Variants in RAD51AP2 observed in about 807,000 individuals in gnomAD.
RAD51AP2 encodes the protein RAD51 associated protein 2, also known as RAD51-associated protein 2.
Under a neutral mutation model 85.5 loss-of-function variants are expected in RAD51AP2, and 67 were observed. That is an observed-to-expected ratio of 0.78 (90% confidence interval 0.64 to 0.96). The LOEUF is 0.96. Among genes scored for constraint, RAD51AP2 ranks in the 40% least tolerant of loss-of-function variants. RAD51AP2 has a pLI of 0.00. For missense variants in RAD51AP2, 1,307 were observed against 1,332.4 expected (o/e 0.98, Z 0.30); for synonymous variants, 474 against 446.5 (o/e 1.06, Z -0.78).
Position 17,517,728 on chromosome 2 carries a change from A to ATGATGAAATGTTATTT in RAD51AP2, c.672_687dup (p.Ser230LysfsTer2), listed in dbSNP as rs1161376582. The ATGATGAAATGTTATTT allele has an allele frequency of 6.2e-7, 1 of 1,613,486 alleles. No individual in the cohort carries two copies. Among genetic ancestry groups the ATGATGAAATGTTATTT allele is most frequent in the Non-Finnish European group, 8.5e-7 (1 of 1,179,896 alleles). On this transcript the variant is annotated stop_gained and frameshift_variant, in exon 1 of 3. Transcript: ENST00000399080. LOFTEE classifies it high-confidence loss of function. ...TGAGATTTTGATATTTTTAGTACAG[A>ATGATGAAATGTTATTT]TGATGAAATGTTATTTTCTCTTTTA...
At chr2:17,534,314 G>C in the RAD51AP2 span, among the ~76,000 whole-genome samples, 29 of 152,228 alleles carry the variant, frequency 1.9e-4, 1 homozygote, top group East Asian at 4.6e-3. Flanking sequence ...TTCTAGTAGT[G>C]TATGTAATGG....
upstream of RAD51AP2, among the ~76,000 whole-genome samples, chr2:17,523,161 C>T (rs1300630756): frequency 6.6e-6 from 1 of 151,808 alleles, no homozygotes; most frequent in Non-Finnish European, 1.5e-5. Flanking sequence ...AAATGAAATA[C>T]AGTATATAAA....
the RAD51AP2 span, among the ~76,000 whole-genome samples, chr2:17,531,509 T>A: frequency 6.6e-6 from 1 of 152,182 alleles, no homozygotes; most frequent in Non-Finnish European, 1.5e-5. Flanking sequence ...AAAAATAGTC[T>A]ATTAAAAATG....
At chr2:17,531,263 A>G in the RAD51AP2 span, among the ~76,000 whole-genome samples, 1 of 152,178 alleles carries the variant, frequency 6.6e-6, no homozygotes, top group Non-Finnish European at 1.5e-5. Flanking sequence ...CCAACAAAGT[A>G]ATTTTTTCCT....
At chr2:17,524,841 G>A in the RAD51AP2 span, among the ~76,000 whole-genome samples, 74 of 151,906 alleles carry the variant, frequency 4.9e-4, no homozygotes, top group Non-Finnish European at 9.0e-4. Flanking sequence ...GTGAAAATTC[G>A]GGGAGGGATT....
At chr2:17,536,811 C>T in the RAD51AP2 span, among the ~76,000 whole-genome samples, 1 of 152,128 alleles carries the variant, frequency 6.6e-6, no homozygotes, top group Admixed American at 6.5e-5. Context: ...CTAAAACTCA[C>T]CCATTAACTG....
In RAD51AP2 at chr2:17,514,054, G is replaced by A; in HGVS notation, c.3286C>T (p.Pro1096Ser). 6.3e-7 allele frequency: 1 copy of A among 1,589,492 alleles called. No homozygotes were observed. Among genetic ancestry groups the A allele is most frequent in the Non-Finnish European group, 8.6e-7 (1 of 1,159,594 alleles). The change falls in exon 2 of 3, where the codon CCT becomes TCT. Residue 1096 changes from proline to serine, a missense_variant. Physicochemically the swap from Pro to Ser is moderately conservative, Grantham distance 74. This residue lies in a region of RAD51AP2 where 668 missense variants were observed against 671.0 expected (regional missense o/e 1.00). Transcript: ENST00000399080. ...TPLPKRPAFL[P>S]DECKEEFNYL... ...TTAAATTCTTCTTTACATTCATCAG[G>A]GAGAAAAGCAGGTCTTTTAGGTAAA...
the RAD51AP2 span, among the ~76,000 whole-genome samples, chr2:17,536,573 C>T: frequency 2.0e-5 from 3 of 152,160 alleles, no homozygotes; most frequent in African/African-American, 7.2e-5. Context: ...AAGAAACTTC[C>T]AGGAAACTCA....
At chr2:17,514,231 G>T (rs1279193822) in intron 1 of RAD51AP2, 139 bp from the exon 2 acceptor site, 3 of 737,922 alleles carry the variant, frequency 4.1e-6, no homozygotes, top group Non-Finnish European at 7.0e-6. Flanking sequence ...ACTCTTCAAA[G>T]CTCCTTTTTA....
At chr2:17,528,248 T>TGAAGTATTTC in the RAD51AP2 span, among the ~76,000 whole-genome samples, 1 of 152,200 alleles carries the variant, frequency 6.6e-6, no homozygotes, top group African/African-American at 2.4e-5. Flanking sequence ...CTAAATACTT[T>TGAAGTATTTC]TAATCAGAAA....
At position 17,516,114 on chromosome 2, in the gene RAD51AP2, T is replaced by C; in HGVS notation, c.2302A>G (p.Lys768Glu). 4 of 1,612,560 alleles carry C rather than the reference T, an allele frequency of 2.5e-6. No homozygotes were observed. Among genetic ancestry groups the C allele is most frequent in the Non-Finnish European group, 3.4e-6 (4 of 1,179,532 alleles). ...TTACTGATCTTATTATGTCCCTGTT[T>C]TCTTTCCATATTTAAATCTTGGCTG... ...MHSQDLNMER[K>E]QGHNKISNFD... Residue 768 changes from lysine (K) to glutamate (E), a missense_variant, in exon 1 of 3, where the codon AAA (lysine) becomes GAA (glutamate). Transcript: ENST00000399080.
the RAD51AP2 span, among the ~76,000 whole-genome samples, chr2:17,524,270 T>A: frequency 6.6e-6 from 1 of 151,996 alleles, no homozygotes; most frequent in African/African-American, 2.4e-5. Context: ...TTATTGAGCA[T>A]CTATTATTCA....
chr2:17,518,620 C>A (rs1662782994), upstream of RAD51AP2, among the ~76,000 whole-genome samples: 3 of 149,468 alleles, frequency 2.0e-5, no homozygotes, highest in South Asian at 6.4e-4. Flanking sequence ...CCTCTCCCTG[C>A]CCCCACCCAC....
rs1391305951 is a variant in RAD51AP2, at chr2:17,510,828, G to GT, written c.3455dup (p.Tyr1152Ter). The part of the protein sequence containing the change: ...QLHPYLKQMC[Y>*]GNLKENF ...GTCAAAAATTTTCTTTTAAGTTTCC[G>GT]TAACACATTTGTTTCAGATAAGGAT... Residue 1152 changes from tyrosine to a stop codon, truncating the protein, a stop_gained and frameshift_variant, in exon 3 of 3, where the codon TAC (tyrosine) becomes TAAC (stop). Coordinates refer to ENST00000399080, the MANE Select transcript of RAD51AP2 (RefSeq NM_001099218.3). LOFTEE classifies it high-confidence loss of function. 1 of 1,583,026 alleles carries GT rather than the reference G, an allele frequency of 6.3e-7. No homozygotes were observed. Among genetic ancestry groups the GT allele is most frequent in the Non-Finnish European group, 8.6e-7 (1 of 1,164,650 alleles).
At chr2:17,511,237 C>A (rs1190245684) in intron 2 of RAD51AP2, among the ~76,000 whole-genome samples, 1 of 152,276 alleles carries the variant, frequency 6.6e-6, no homozygotes, top group Middle Eastern at 3.4e-3. Flanking sequence ...ACAACCATCA[C>A]AACAAAACCA....
In RAD51AP2 at chr2:17,517,001, GCTGTCTGACTAC is replaced by G; in HGVS notation, c.1403_1414del (p.Gly468_Thr471del). 2 of 1,600,492 alleles carry G rather than the reference GCTGTCTGACTAC, an allele frequency of 1.2e-6. No homozygotes were observed. The highest frequency in any genetic ancestry group is 1.4e-5 in the African/African-American group (1 of 74,034). ...ATTTAGCCAAACAGTCGTTATTAAA[GCTGTCTGACTAC>G]CTAATATTTCTCTTACGAGAAGCTT... On this transcript the variant is annotated inframe_deletion, in exon 1 of 3. Coordinates refer to ENST00000399080, the MANE Select transcript of RAD51AP2 (RefSeq NM_001099218.3).
At chr2:17,528,172 C>T in the RAD51AP2 span, among the ~76,000 whole-genome samples, 5 of 152,210 alleles carry the variant, frequency 3.3e-5, no homozygotes, top group South Asian at 1.0e-3. Flanking sequence ...TTGATCCCTG[C>T]TTTAATGTAG....
chr2:17,536,806 A>C, the RAD51AP2 span, among the ~76,000 whole-genome samples: 1 of 151,862 alleles, frequency 6.6e-6, no homozygotes, highest in Non-Finnish European at 1.5e-5. Flanking sequence ...GAGGCCTAAA[A>C]CTCACCCATT....
rs753448399 is a variant in RAD51AP2 at position 17,517,579 on chromosome 2, C to T, written c.837G>A (p.Ala279=). The T allele has an allele frequency of 6.2e-7, 1 of 1,613,516 alleles. No individual in the cohort carries two copies. Among genetic ancestry groups the T allele is most frequent in the Non-Finnish European group, 8.5e-7 (1 of 1,179,898 alleles). The change falls in exon 1 of 3, where the codon GCG becomes GCA. Residue 279 remains alanine, a synonymous_variant. Transcript: ENST00000399080. Reference sequence around the variant, plus strand: ...CCTCTTTTTTGTCATTCTTTTTCTTCGCTATTTCCTTTAAATAGACAGAGG... The same window carrying T: ...CCTCTTTTTTGTCATTCTTTTTCTTTGCTATTTCCTTTAAATAGACAGAGG... The part of the protein sequence containing the change: ...KMSSVYLKEI[A]KKKNDKKEAY...
Sources: gnomAD v4.1 joint callset for allele counts (sites outside exome capture counted in the v4.1 genomes callset) on GRCh38, gnomAD v4.1.1 for gene constraint, gnomAD v4.1.1 regional missense constraint, MANE v1.5 for transcripts, NCBI Gene and HGNC (gene_info 2026-07-23, HGNC 2026-07-21) for gene names.